TOR1A: variants seen among roughly 807,000 people sequenced by gnomAD.
The protein encoded by TOR1A is torsin family 1 member A.
A neutral mutation model predicts 31.4 loss-of-function variants in TOR1A; 18 were observed. The ratio of observed to expected loss-of-function variants is 0.57; its 90% CI spans 0.40 to 0.85. The LOEUF is 0.85. Among genes scored for constraint, TOR1A ranks in the 40% least tolerant of loss-of-function variants. The pLI, the probability that TOR1A is intolerant of heterozygous loss-of-function variation, is 0.00. For synonymous variants in TOR1A, 168 were observed against 165.9 expected (o/e 1.01, Z -0.10); for missense variants, 375 against 416.4 (o/e 0.90, Z 0.87).
chr9:129,817,838 CAAA>C (rs760010551), intron 4 of TOR1A, among the ~76,000 whole-genome samples: 8 of 45,734 alleles, frequency 1.7e-4, no homozygotes, highest in African/African-American at 5.9e-4. Flanking sequence ...CAGTCTCTAC[CAAA>C]AAAAAAAAAA....
chr9:129,823,730 CTAGTG>C, intron 1 of TOR1A, 173 bp downstream of exon 1: 1 of 549,990 alleles, frequency 1.8e-6, no homozygotes, highest in Non-Finnish European at 3.1e-6. Flanking sequence ...CAACCCGGCC[CTAGTG>C]CCATCGCCCA....
rs1385868125 is a variant in TOR1A at position 129,814,154 on chromosome 9, C to G, written c.817G>C (p.Glu273Gln). 4.3e-6 allele frequency: 7 copies of G among 1,613,990 alleles called. No homozygotes were observed. Among genetic ancestry groups the G allele is most frequent in the African/African-American group, 2.7e-5 (2 of 74,872 alleles). ...ATACACATTTTTAGGTGTTTGTATT[C>G]CAGGGGGAGGAAGGGAACAAAATAA... ...IDYFVPFLPL[E>Q]YKHLKMCIRV... Residue 273 changes from glutamate to glutamine, a missense_variant, in exon 5 of 5, where the codon GAA (glutamate) becomes CAA (glutamine). Transcript: ENST00000351698.
chr9:129,817,743 A>G (rs2031075588), intron 4 of TOR1A, among the ~76,000 whole-genome samples: 1 of 147,326 alleles, frequency 6.8e-6, no homozygotes, highest in South Asian at 2.2e-4. Context: ...GCTCATGCCT[A>G]TAATTCCAGC....
chr9:129,813,403 C>T lies in TOR1A; in HGVS notation c.*569G>A, dbSNP rs894704140. The T allele has an allele frequency of 1.5e-4, 29 of 188,720 alleles. No individual in the cohort carries two copies. Among genetic ancestry groups the T allele is most frequent in the Admixed American group, 9.2e-4 (17 of 18,476 alleles). The allele number at this position is 188,720 out of a possible 1,614,324, so 11.7% of individuals were successfully genotyped here. A position where few individuals can be genotyped will look rare whatever the true frequency, so the allele number is the denominator to read the frequency against. On this transcript the variant is annotated 3_prime_UTR_variant, in exon 5 of 5. Transcript: ENST00000351698. ...ACACTTCACTGCCCCTGGCAGCATC[C>T]GCTGGGACCATCCTGGGACAGAGCT...
At chr9:129,820,809 G>A (rs1443332519) in intron 2 of TOR1A, among the ~76,000 whole-genome samples, 1 of 152,084 alleles carries the variant, frequency 6.6e-6, no homozygotes, top group African/African-American at 2.4e-5. Flanking sequence ...ATGTTCCCCA[G>A]GCTGGTCTGG....
At chr9:129,818,261 C>G in intron 4 of TOR1A, 1 of 516,612 alleles carries the variant, frequency 1.9e-6, no homozygotes, top group Non-Finnish European at 3.5e-6. Flanking sequence ...CAAGGTTACG[C>G]CACTGCACTC....
chr9:129,813,554 A>AC lies in TOR1A; in HGVS notation c.*417_*418insG, dbSNP rs1211938825. On this transcript the variant is annotated 3_prime_UTR_variant, in exon 5 of 5. Coordinates refer to ENST00000351698, the MANE Select transcript of TOR1A (RefSeq NM_000113.3). ...TGTAATAATGATGAGAACTTAAAAA[A>AC]AAACACACACACAAGGCCAACAACT... The AC allele has an allele frequency of 5.0e-5, 15 of 300,648 alleles. No homozygotes were observed. The highest frequency in any genetic ancestry group is 8.9e-5 in the Non-Finnish European group (14 of 156,732). 18.6% of individuals were successfully genotyped at this position (300,648 alleles called of 1,614,324 possible).
intron 4 of TOR1A, among the ~76,000 whole-genome samples, chr9:129,815,767 C>T (rs2031020387): frequency 6.6e-6 from 1 of 152,224 alleles, no homozygotes; most frequent in African/African-American, 2.4e-5. Flanking sequence ...CCTTCAATGG[C>T]AGTGCCACCC....
chr9:129,823,759 G>T, intron 1 of TOR1A, 149 bp downstream of exon 1: 1 of 500,224 alleles, frequency 2.0e-6, no homozygotes, highest in Non-Finnish European at 3.0e-6. Flanking sequence ...CCAGCCCCCA[G>T]GCCCCGCTCC....
chr9:129,819,904 C>A (rs1228477675), intron 2 of TOR1A, among the ~76,000 whole-genome samples: 11 of 147,296 alleles, frequency 7.5e-5, no homozygotes, highest in African/African-American at 2.8e-4. Flanking sequence ...GCACTCCAGC[C>A]TGGGAGACAG....
chr9:129,823,883 G>T lies in TOR1A; in HGVS notation c.178+25C>A, dbSNP rs771138113. ...TCGCCCAGCCCCAGCCCCAGCCCCA[G>T]CCTCCAGCCCCCGCCCCAGCCTACC... On this transcript the variant is annotated intron_variant, in intron 1 of 4. Coordinates refer to ENST00000351698, the MANE Select transcript of TOR1A (RefSeq NM_000113.3). The T allele has an allele frequency of 1.5e-5, 14 of 954,262 alleles. No individual in the cohort carries two copies. The Admixed American group carries it at 2.2e-4, about 15-fold the overall frequency. 59.1% of individuals were successfully genotyped at this position (954,262 alleles called of 1,614,324 possible).
At chr9:129,823,158 G>T in intron 1 of TOR1A, 3 of 444,770 alleles carry the variant, frequency 6.7e-6, no homozygotes, top group South Asian at 6.3e-5. Context: ...GCAGAGCCGG[G>T]AAAGGAAACA....
intron 1 of TOR1A, chr9:129,823,360 G>T (rs2131007908): frequency 7.0e-6 from 2 of 284,220 alleles, no homozygotes; most frequent in South Asian, 6.8e-5. Flanking sequence ...TGTGGTCATG[G>T]CCGAGGAGCC....
rs182655826 is a variant in TOR1A at position 129,816,697 on chromosome 9, C to T, written c.748+1823G>A. Among the ~76,000 whole-genome samples, 388 of 152,302 alleles carry T rather than the reference C, an allele frequency of 2.5e-3. 2 individuals are homozygous for T. The highest frequency in any genetic ancestry group is 9.0e-3 in the African/African-American group (375 of 41,558). ...CTCCCAGGTTGGCACTCCTAAGCAC[C>T]GTGTAACCTCCACAGCGTGGATTCT... On this transcript the variant is annotated intron_variant, in intron 4 of 4. Coordinates refer to ENST00000351698, the MANE Select transcript of TOR1A (RefSeq NM_000113.3).
chr9:129,823,879 C>T (rs2031255012), intron 1 of TOR1A, 29 bp downstream of exon 1: 2 of 1,529,124 alleles, frequency 1.3e-6, no homozygotes, highest in African/African-American at 1.4e-5. Flanking sequence ...CAGCCCCAGC[C>T]CCAGCCTCCA....
At position 129,822,747 on chromosome 9, in the gene TOR1A, T is replaced by C. The variant is rs1441606491; in HGVS notation, c.278A>G (p.Lys93Arg). Residue 93 changes from lysine to arginine, a missense_variant, in exon 2 of 5, where the codon AAG (lysine) becomes AGG (arginine). Physicochemically the swap from Lys to Arg is conservative, Grantham distance 26. Transcript: ENST00000351698. ...GTGCAGGGAGAGCGTGAGAGGTTTC[T>C]TGGGCTTTGGGTTGTTTATGAAACC... ...VFGFINNPKP[K>R]KPLTLSLHGW... 6.2e-7 allele frequency: 1 copy of C among 1,614,218 alleles called. No homozygotes were observed. The highest frequency in any genetic ancestry group is 8.5e-7 in the Non-Finnish European group (1 of 1,180,030).
In TOR1A at chr9:129,817,422, C is replaced by G. The variant is rs117529063; in HGVS notation, c.748+1098G>C. Among the ~76,000 whole-genome samples, 779 of 152,240 alleles carry G rather than the reference C, an allele frequency of 5.1e-3. 5 individuals carry two copies. The highest frequency in any genetic ancestry group is 0.02 in the East Asian group (104 of 5,178). ...AGCTGAAGAAAATGGGGGAACTGGCCAGGCGTGGTGGCTCACGCCTGTAAT... is the reference window on the plus strand; with the variant it reads ...AGCTGAAGAAAATGGGGGAACTGGCGAGGCGTGGTGGCTCACGCCTGTAAT... On this transcript the variant is annotated intron_variant, in intron 4 of 4. Transcript: ENST00000351698.
chr9:129,813,864 C>G lies in TOR1A; in HGVS notation c.*108G>C, dbSNP rs1277544205. 3.5e-5 allele frequency: 51 copies of G among 1,477,340 alleles called. No individual in the cohort carries two copies. In the Middle Eastern group the frequency reaches 8.7e-4, roughly 25 times the overall value. 91.5% of individuals were successfully genotyped at this position (1,477,340 alleles called of 1,614,324 possible). A position where few individuals can be genotyped will look rare whatever the true frequency, so the allele number is the denominator to read the frequency against. On this transcript the variant is annotated 3_prime_UTR_variant, in exon 5 of 5. Coordinates refer to ENST00000351698, the MANE Select transcript of TOR1A (RefSeq NM_000113.3). ...TCCTGTCACATCAAACAGGAACATT[C>G]ACTGGATTCCTCTTCCAGGGAAAGG...
intron 2 of TOR1A, chr9:129,822,215 AG>A (rs1215354294): frequency 1.3e-4 from 46 of 349,742 alleles, no homozygotes; most frequent in Middle Eastern, 1.0e-3. Context: ...CAGTGAGCTG[AG>A]ATCATGCCAT....
Sources: gnomAD v4.1 joint callset for allele counts (sites outside exome capture counted in the v4.1 genomes callset) on GRCh38, gnomAD v4.1.1 for gene constraint, MANE v1.5 for transcripts, NCBI Gene and HGNC (gene_info 2026-07-23, HGNC 2026-07-21) for gene names.